PAX7: variants seen among roughly 807,000 people sequenced by gnomAD.
PAX7 encodes the protein paired box protein Pax-7.
PAX7 carries 18 observed loss-of-function variants against 50.7 expected under a neutral mutation model. The ratio of observed to expected loss-of-function variants is 0.36; its 90% CI spans 0.25 to 0.53. The LOEUF (loss-of-function observed/expected upper bound fraction) is 0.53, where lower values mean the gene tolerates loss of function less well. Ranked by LOEUF, PAX7 falls within the 20% of genes least tolerant of loss-of-function variation. The probability of loss-of-function intolerance (pLI) is 0.93; values close to 1 mark genes in which losing one functional copy is unlikely to be tolerated. For synonymous variants in PAX7, 310 were observed against 290.4 expected (o/e 1.07, Z -0.69); for missense variants, 644 against 702.9 (o/e 0.92, Z 0.95).
In PAX7 at chr1:18,636,334, G is replaced by A. The variant is rs1184049164; in HGVS notation, c.549G>A (p.Lys183=). The change falls in exon 4 of 9, where the codon AAG becomes AAA. Residue 183 remains lysine (K), a synonymous_variant. Transcript: ENST00000420770. The surrounding 1 kb of genome is among the most constrained non-coding windows in gnomAD (Gnocchi z 5.1). The part of the protein sequence containing the change: ...ADKKEDDGEK[K]AKHSIDGILG... Reference sequence around the variant, plus strand: ...AGAAGGAGGACGACGGCGAAAAGAAGGCCAAACACAGCATCGACGGCATCC... The same window carrying A: ...AGAAGGAGGACGACGGCGAAAAGAAAGCCAAACACAGCATCGACGGCATCC... 3 of 1,614,132 alleles carry A rather than the reference G, an allele frequency of 1.9e-6. No individual in the cohort carries two copies. The highest frequency in any genetic ancestry group is 2.7e-5 in the African/African-American group (2 of 74,958).
chr1:18,738,176 G>A (rs929382281), intron 8 of PAX7, among the ~76,000 whole-genome samples: 15 of 152,114 alleles, frequency 9.9e-5, no homozygotes, highest in African/African-American at 3.6e-4. Flanking sequence ...GTACGTGGGG[G>A]TCTGCATGTA....
chr1:18,672,168 C>T (rs992303413), intron 4 of PAX7, among the ~76,000 whole-genome samples: 1 of 152,038 alleles, frequency 6.6e-6, no homozygotes, highest in Non-Finnish European at 1.5e-5. Flanking sequence ...TAACAGCTTC[C>T]TCATCCCACG....
chr1:18,679,091 G>T (rs973166772), intron 4 of PAX7, among the ~76,000 whole-genome samples: 1 of 152,182 alleles, frequency 6.6e-6, no homozygotes, highest in African/African-American at 2.4e-5. Flanking sequence ...CACCAGCAGC[G>T]GTTTGAACGC....
intron 7 of PAX7, among the ~76,000 whole-genome samples, chr1:18,714,595 G>C (rs906570786): frequency 1.3e-5 from 2 of 152,196 alleles, no homozygotes; most frequent in Non-Finnish European, 2.9e-5. Context: ...ATGTGATCTT[G>C]ATAGAGGCCT....
chr1:18,665,636 G>A (rs2088657535), intron 4 of PAX7, among the ~76,000 whole-genome samples: 1 of 149,344 alleles, frequency 6.7e-6, no homozygotes, highest in African/African-American at 2.5e-5. Context: ...CCCTCCCAAA[G>A]TGCTGGGATT....
chr1:18,685,714 G>A (rs935197530), intron 4 of PAX7, among the ~76,000 whole-genome samples: 3 of 152,266 alleles, frequency 2.0e-5, no homozygotes, highest in Non-Finnish European at 2.9e-5. Context: ...GGGATGGCAA[G>A]GTGAGTGGGG....
intron 4 of PAX7, among the ~76,000 whole-genome samples, chr1:18,640,432 C>T (rs2100432110): frequency 6.9e-6 from 1 of 145,564 alleles, no homozygotes; most frequent in Non-Finnish European, 1.5e-5. Context: ...GGCTTCACAC[C>T]TGGAAGGGAC....
intron 4 of PAX7, among the ~76,000 whole-genome samples, chr1:18,643,191 G>A (rs1487193647): frequency 6.6e-6 from 1 of 152,198 alleles, no homozygotes; most frequent in Non-Finnish European, 1.5e-5. Context: ...CAGCCGAGCT[G>A]AGCGAGGGTG....
intron 7 of PAX7, among the ~76,000 whole-genome samples, chr1:18,716,151 A>G (rs1014974983): frequency 6.6e-6 from 1 of 152,036 alleles, no homozygotes; most frequent in African/African-American, 2.4e-5. Flanking sequence ...CCACCAGGGG[A>G]GTTCTGCTAA....
At chr1:18,716,342 C>T (rs2089419644) in intron 7 of PAX7, among the ~76,000 whole-genome samples, 1 of 152,172 alleles carries the variant, frequency 6.6e-6, no homozygotes, top group East Asian at 1.9e-4. Flanking sequence ...TAAGGGCCTG[C>T]ACTTTCTTGA....
chr1:18,647,778 T>C (rs1324047631), intron 4 of PAX7, among the ~76,000 whole-genome samples: 2 of 151,910 alleles, frequency 1.3e-5, no homozygotes, highest in Non-Finnish European at 2.9e-5. Flanking sequence ...ACTTGAGAAA[T>C]AATAGGGGCC....
chr1:18,643,455 T>A (rs941982011), intron 4 of PAX7, among the ~76,000 whole-genome samples: 1 of 151,996 alleles, frequency 6.6e-6, no homozygotes, highest in African/African-American at 2.4e-5. Context: ...CAGAAGAGAA[T>A]CTTGCGCACA....
chr1:18,659,492 G>C (rs2088570978), intron 4 of PAX7, among the ~76,000 whole-genome samples: 1 of 152,142 alleles, frequency 6.6e-6, no homozygotes, highest in Admixed American at 6.5e-5. Context: ...AATGATCATG[G>C]TGTAGAGAAT....
rs889943529 is a variant in PAX7, at chr1:18,748,223, G to A, written c.*3294G>A. On this transcript the variant is annotated 3_prime_UTR_variant, in exon 9 of 9. Coordinates refer to ENST00000420770, the MANE Select transcript of PAX7 (RefSeq NM_001135254.2). ...GAGAACAGGACGGGTCCCAGAGTTT[G>A]ACCACTGCCAGAATCCAGTGTTTCA... 4.4e-6 allele frequency: 1 copy of A among 225,580 alleles called. No individual in the cohort carries two copies. Among genetic ancestry groups the A allele is most frequent in the African/African-American group, 2.2e-5 (1 of 44,858 alleles). The allele number at this position is 225,580 out of a possible 1,614,324, so 14.0% of individuals were successfully genotyped here. A position where few individuals can be genotyped will look rare whatever the true frequency, so the allele number is the denominator to read the frequency against.
At chr1:18,647,952 A>G (rs191576963) in intron 4 of PAX7, among the ~76,000 whole-genome samples, 1 of 152,320 alleles carries the variant, frequency 6.6e-6, no homozygotes, top group Non-Finnish European at 1.5e-5. Context: ...ATTCAGCAGA[A>G]GGTCAAGAGA....
intron 5 of PAX7, among the ~76,000 whole-genome samples, chr1:18,695,037 T>G (rs1159525263): frequency 6.6e-6 from 1 of 152,090 alleles, no homozygotes; most frequent in Admixed American, 6.5e-5. Context: ...CTCATCTCAG[T>G]GGACCTGGCA....
At chr1:18,718,600 C>T (rs1190731159) in intron 7 of PAX7, among the ~76,000 whole-genome samples, 1 of 151,676 alleles carries the variant, frequency 6.6e-6, no homozygotes, top group Non-Finnish European at 1.5e-5. Context: ...CCTCAGTGCA[C>T]CTGGGGGTCC....
At chr1:18,725,492 G>T (rs1003516232) in intron 7 of PAX7, among the ~76,000 whole-genome samples, 3 of 152,058 alleles carry the variant, frequency 2.0e-5, no homozygotes, top group African/African-American at 7.2e-5. Context: ...CTGACAAACT[G>T]TTTCTGTCAC....
rs535311794 is a variant in PAX7, at chr1:18,735,874, C to G, written c.1398C>G (p.Gly466=). 1 of 1,614,104 alleles carries G rather than the reference C, an allele frequency of 6.2e-7. No individual in the cohort carries two copies. The highest frequency in any genetic ancestry group is 1.3e-5 in the African/African-American group (1 of 75,044). ...CCGGCTATCAGTACGGCCAGTACGG[C>G]CAGAGTGAGTGCCTGGTGCCCTGGG... ...PVAGYQYGQY[G]QTAVDYLAKN... The change falls in exon 8 of 9, where the codon GGC becomes GGG. Residue 466 remains glycine, a synonymous_variant. Transcript: ENST00000420770. This position sits in a 1 kb window ranked among gnomAD's most constrained non-coding sequence, Gnocchi z 4.0.
Sources: allele counts gnomAD v4.1 joint callset (sites outside exome capture counted in the v4.1 genomes callset), GRCh38; gene constraint gnomAD v4.1.1; non-coding constraint Gnocchi (gnomAD v3.1); transcripts MANE v1.5; gene names NCBI Gene and HGNC (gene_info 2026-07-23, HGNC 2026-07-21).